WASF3: variants seen among roughly 807,000 people sequenced by gnomAD.
WASF3 encodes the protein WASP family member 3.
In WASF3, 11 loss-of-function variants were observed where a neutral mutation model predicts 46.6. The observed-to-expected ratio is 0.24, with a 90% CI of 0.15 to 0.39. The LOEUF is 0.39. WASF3 is among the 10% of genes least tolerant of loss of function. WASF3 has a pLI of 1.00. For synonymous variants in WASF3, 242 were observed against 259.7 expected (o/e 0.93, Z 0.65); for missense variants, 576 against 669.8 (o/e 0.86, Z 1.55).
intron 1 of WASF3, among the ~76,000 whole-genome samples, chr13:26,590,704 C>A (rs143217636): frequency 6.6e-6 from 1 of 152,164 alleles, no homozygotes; most frequent in Admixed American, 6.5e-5. Context: ...ATGCCACATA[C>A]ACTTTTTATC....
intron 2 of WASF3, among the ~76,000 whole-genome samples, chr13:26,630,295 G>A (rs1451561962): frequency 6.6e-6 from 1 of 152,120 alleles, no homozygotes; most frequent in Admixed American, 6.5e-5. Flanking sequence ...TTCTCCTAAT[G>A]CTGTCCTTCC....
At chr13:26,664,649 G>A (rs1033906134) in intron 3 of WASF3, among the ~76,000 whole-genome samples, 1 of 152,128 alleles carries the variant, frequency 6.6e-6, no homozygotes, top group Non-Finnish European at 1.5e-5. Flanking sequence ...AGATTTAAAG[G>A]CCAACATGAT....
chr13:26,586,388 C>T (rs922249412), intron 1 of WASF3, among the ~76,000 whole-genome samples: 13 of 152,014 alleles, frequency 8.6e-5, no homozygotes, highest in African/African-American at 2.9e-4. Flanking sequence ...TAGCATTTAA[C>T]CAATAACTCT....
intron 1 of WASF3, among the ~76,000 whole-genome samples, chr13:26,608,667 A>T (rs1880876797): frequency 6.6e-6 from 1 of 152,190 alleles, no homozygotes; most frequent in Admixed American, 6.5e-5. Flanking sequence ...CTCTGACTTT[A>T]AAAGGTGCGG....
intron 3 of WASF3, among the ~76,000 whole-genome samples, chr13:26,646,684 G>C (rs569868507): frequency 2.0e-4 from 31 of 152,202 alleles, no homozygotes; most frequent in Non-Finnish European, 3.8e-4. Context: ...GGAAACACCA[G>C]TGCAACTTAG....
upstream of WASF3, among the ~76,000 whole-genome samples, chr13:26,556,819 T>G (rs1879107462): frequency 6.6e-6 from 1 of 152,208 alleles, no homozygotes; most frequent in African/African-American, 2.4e-5. Flanking sequence ...TTCCTAAAAG[T>G]TTTTCAATTT....
intron 6 of WASF3, among the ~76,000 whole-genome samples, chr13:26,675,606 T>C (rs1434292183): frequency 6.6e-6 from 1 of 150,384 alleles, no homozygotes; most frequent in African/African-American, 2.5e-5. Context: ...CCTTTATTTG[T>C]GTCCTCTTGT....
At chr13:26,555,585 G>A (rs685801), upstream of WASF3, among the ~76,000 whole-genome samples, 2,087 of 152,134 alleles carry the variant, frequency 0.014, 56 homozygotes, top group African/African-American at 0.047. Flanking sequence ...TTGATCTTTT[G>A]CCCTTTACCC....
intron 5 of WASF3, among the ~76,000 whole-genome samples, chr13:26,668,644 G>T (rs1882841468): frequency 6.6e-6 from 1 of 152,230 alleles, no homozygotes; most frequent in African/African-American, 2.4e-5. Flanking sequence ...GGTCCACAGG[G>T]AGATGTTTGG....
At chr13:26,646,889 T>C (rs534216285) in intron 3 of WASF3, among the ~76,000 whole-genome samples, 17 of 152,332 alleles carry the variant, frequency 1.1e-4, no homozygotes, top group African/African-American at 2.4e-4. Context: ...GTCACACTTA[T>C]GGAGACAGTT....
chr13:26,601,504 A>G (rs1365841138), intron 1 of WASF3, among the ~76,000 whole-genome samples: 2 of 152,208 alleles, frequency 1.3e-5, no homozygotes, highest in Non-Finnish European at 2.9e-5. Flanking sequence ...TGGAGAGGAT[A>G]GGGGCAGAAT....
chr13:26,633,019 C>G (rs1325087379), intron 2 of WASF3, among the ~76,000 whole-genome samples: 1 of 151,718 alleles, frequency 6.6e-6, no homozygotes, highest in African/African-American at 2.4e-5. Context: ...GGTGGTGATA[C>G]CCCCTTTATC....
intron 2 of WASF3, among the ~76,000 whole-genome samples, chr13:26,637,609 T>G (rs1343177197): frequency 6.6e-6 from 1 of 152,254 alleles, no homozygotes; most frequent in Admixed American, 6.5e-5. Flanking sequence ...GTTATCCTTA[T>G]GCAGGGCATT....
the WASF3 span, among the ~76,000 whole-genome samples, chr13:26,541,127 G>T: frequency 5.3e-4 from 81 of 152,250 alleles, no homozygotes; most frequent in South Asian, 0.016. Context: ...TTTAAAAGTT[G>T]TTTTTACAAA....
At chr13:26,616,177 T>C (rs1881128593) in intron 2 of WASF3, among the ~76,000 whole-genome samples, 1 of 152,230 alleles carries the variant, frequency 6.6e-6, no homozygotes, top group Non-Finnish European at 1.5e-5. Context: ...TGTTTAACTT[T>C]TTAAGAAACT....
intron 5 of WASF3, among the ~76,000 whole-genome samples, chr13:26,668,703 C>T (rs1223222560): frequency 6.6e-6 from 1 of 152,242 alleles, no homozygotes; most frequent in African/African-American, 2.4e-5. Context: ...TCAAACTACA[C>T]CACTTTCTTT....
intron 1 of WASF3, among the ~76,000 whole-genome samples, chr13:26,580,501 A>G (rs1156412501): frequency 1.3e-5 from 2 of 152,132 alleles, no homozygotes; most frequent in Non-Finnish European, 2.9e-5. Context: ...TTCAAATATT[A>G]TTCCTGAAGT....
chr13:26,624,591 A>G (rs192511960), intron 2 of WASF3, among the ~76,000 whole-genome samples: 2 of 152,304 alleles, frequency 1.3e-5, no homozygotes, highest in East Asian at 3.9e-4. Flanking sequence ...GACAGGAAAC[A>G]ACTAATAAGA....
At chr13:26,680,909 G>A (rs1466891772) in intron 7 of WASF3, 145 bp from the exon 8 acceptor site, 7 of 967,794 alleles carry the variant, frequency 7.2e-6, no homozygotes, top group Non-Finnish European at 1.1e-5. Context: ...TCTCTCACGG[G>A]GCTATACCTA....
Sources: gnomAD v4.1 joint callset for allele counts (sites outside exome capture counted in the v4.1 genomes callset) on GRCh38, gnomAD v4.1.1 for gene constraint, MANE v1.5 for transcripts, NCBI Gene and HGNC (gene_info 2026-07-23, HGNC 2026-07-21) for gene names.